The following NELL2 variants were observed in gnomAD, a reference collection of about 807,000 sequenced individuals.
NELL2 encodes neural EGFL like 2.
In NELL2, 41 loss-of-function variants were observed where a neutral mutation model predicts 109.6. The observed-to-expected ratio is 0.37, with a 90% confidence interval of 0.29 to 0.49. NELL2 has a LOEUF of 0.49. NELL2 is among the 20% of genes least tolerant of loss of function. The pLI is 0.98. For missense variants in NELL2, 900 were observed against 1,008.3 expected (o/e 0.89, Z 1.45); for synonymous variants, 355 against 344.7 (o/e 1.03, Z -0.33).
chr12:44,667,640 G>C (rs551246227), intron 12 of NELL2, among the ~76,000 whole-genome samples: 1 of 152,252 alleles, frequency 6.6e-6, no homozygotes, highest in African/African-American at 2.4e-5. Flanking sequence ...CGACAGACAA[G>C]GATCATAACA....
chr12:44,699,038 A>G (rs549944086), intron 12 of NELL2, among the ~76,000 whole-genome samples: 4 of 152,316 alleles, frequency 2.6e-5, no homozygotes, highest in Non-Finnish European at 5.9e-5. Flanking sequence ...GTGAGGATAG[A>G]AGATATAGTC....
At chr12:44,758,606 T>G (rs1159421905) in intron 9 of NELL2, among the ~76,000 whole-genome samples, 1 of 152,224 alleles carries the variant, frequency 6.6e-6, no homozygotes, top group Admixed American at 6.5e-5. Context: ...GGGCATCTAC[T>G]ATGCATTAGA....
intron 2 of NELL2, among the ~76,000 whole-genome samples, chr12:44,868,856 C>T (rs2710421): frequency 0.069 from 10,430 of 151,928 alleles, 608 homozygotes; most frequent in East Asian, 0.23. Context: ...TTGTACTCTT[C>T]AAAATTTCAA....
chr12:44,915,389 T>C (rs975461372), upstream of NELL2, among the ~76,000 whole-genome samples: 3 of 152,262 alleles, frequency 2.0e-5, no homozygotes, highest in African/African-American at 7.2e-5. Context: ...CTTTATTTCA[T>C]GTTCAAGGTT....
At chr12:44,664,808 T>A (rs1947868796) in intron 13 of NELL2, among the ~76,000 whole-genome samples, 1 of 151,822 alleles carries the variant, frequency 6.6e-6, no homozygotes, top group Admixed American at 6.6e-5. Flanking sequence ...CCTACAGTAT[T>A]CAAGCTACTC....
chr12:44,685,261 T>G (rs999917715), intron 12 of NELL2, among the ~76,000 whole-genome samples: 32 of 152,180 alleles, frequency 2.1e-4, no homozygotes, highest in African/African-American at 7.5e-4. Context: ...GTTTTCCATT[T>G]GCTTGGTAGA....
intron 13 of NELL2, among the ~76,000 whole-genome samples, chr12:44,665,096 T>TAAA (rs3214809): frequency 6.6e-6 from 1 of 151,966 alleles, no homozygotes; most frequent in East Asian, 1.9e-4. Context: ...CCTAGAACTC[T>TAAA]AAATCTATCT....
At chr12:44,648,733 T>TATATATATA (rs1566084908) in intron 13 of NELL2, among the ~76,000 whole-genome samples, 13 of 22,378 alleles carry the variant, frequency 5.8e-4, no homozygotes, top group African/African-American at 1.6e-3. Context: ...ATATATATAT[T>TATATATATA]TTTTTTTTTT....
upstream of NELL2, among the ~76,000 whole-genome samples, chr12:44,877,844 G>A (rs1457480586): frequency 1.3e-5 from 2 of 152,192 alleles, no homozygotes; most frequent in East Asian, 1.9e-4. Context: ...AGTGATAAAG[G>A]ATTGTCATAT....
intron 12 of NELL2, among the ~76,000 whole-genome samples, chr12:44,682,259 G>A (rs1948538906): frequency 6.6e-6 from 1 of 150,716 alleles, no homozygotes. Context: ...ACTTTTTGAT[G>A]GGGTTTTTTG....
rs34778111 is a variant in NELL2 at position 44,787,759 on chromosome 12, G to GA, written c.336-7738dup. Reference sequence around the variant, plus strand: ...GCAACTGAACATCCAAATGTTAAGGGAAAAAAAAAAATTTTAACTTCAGTC... The same window carrying GA: ...GCAACTGAACATCCAAATGTTAAGGGAAAAAAAAAAAATTTTAACTTCAGTC... On this transcript the variant is annotated intron_variant, in intron 3 of 19. Transcript: ENST00000429094. Among the ~76,000 whole-genome samples, 111 of 149,888 alleles carry GA rather than the reference G, an allele frequency of 7.4e-4. No individual in the cohort carries two copies. In the South Asian group the frequency reaches 8.4e-3, roughly 11 times the overall value.
chr12:44,515,789 T>C (rs1941233713), intron 19 of NELL2, among the ~76,000 whole-genome samples: 1 of 151,946 alleles, frequency 6.6e-6, no homozygotes, highest in Admixed American at 6.5e-5. Flanking sequence ...GCTATATTTA[T>C]TGTTAAAGAA....
At chr12:44,624,542 T>C (rs1206083998) in intron 13 of NELL2, among the ~76,000 whole-genome samples, 1 of 151,990 alleles carries the variant, frequency 6.6e-6, no homozygotes, top group East Asian at 1.9e-4. Context: ...AACTGGCAAA[T>C]AGGTGTTATT....
In NELL2 at chr12:44,688,523, C is replaced by T. The variant is rs532642734; in HGVS notation, c.1318+15203G>A. On this transcript the variant is annotated intron_variant, in intron 12 of 19. Coordinates refer to ENST00000429094, the MANE Select transcript of NELL2 (RefSeq NM_001145108.2). ...TAACAACCTCATAAGAAAAATGTCC[C>T]CCATTTTAATAGACGAGGAGGCTGA... Among the ~76,000 whole-genome samples the T allele has an allele frequency of 9.9e-5, 15 of 152,204 alleles. No individual in the cohort carries two copies. In the South Asian group the frequency reaches 3.1e-3, roughly 32 times the overall value.
chr12:44,615,553 C>T (rs1945788056), intron 13 of NELL2, among the ~76,000 whole-genome samples: 1 of 152,124 alleles, frequency 6.6e-6, no homozygotes, highest in Non-Finnish European at 1.5e-5. Context: ...CTCCAAAATT[C>T]AGGCTATTGA....
intron 1 of NELL2, among the ~76,000 whole-genome samples, chr12:44,892,524 G>A (rs1044192183): frequency 1.3e-5 from 2 of 152,090 alleles, no homozygotes; most frequent in Admixed American, 6.5e-5. Flanking sequence ...AGGGCTGGGC[G>A]CAGTGGCTCA....
At chr12:44,824,475 A>G (rs1943642085) in intron 2 of NELL2, among the ~76,000 whole-genome samples, 1 of 152,074 alleles carries the variant, frequency 6.6e-6, no homozygotes, top group African/African-American at 2.4e-5. Flanking sequence ...GTGGATATCC[A>G]GTTTTCCCAA....
chr12:44,524,874 T>C (rs546340533), intron 16 of NELL2, among the ~76,000 whole-genome samples: 4 of 152,278 alleles, frequency 2.6e-5, no homozygotes, highest in African/African-American at 7.2e-5. Context: ...AGTACTATGG[T>C]TAATGTGTAT....
intron 1 of NELL2, among the ~76,000 whole-genome samples, chr12:44,911,964 TATA>T (rs1945784673): frequency 6.6e-6 from 1 of 150,712 alleles, no homozygotes; most frequent in African/African-American, 2.4e-5. Context: ...AAACTTAAAG[TATA>T]ATAATAATAA....
Sources: allele counts gnomAD v4.1 joint callset (sites outside exome capture counted in the v4.1 genomes callset), GRCh38; gene constraint gnomAD v4.1.1; transcripts MANE v1.5; gene names NCBI Gene and HGNC (gene_info 2026-07-23, HGNC 2026-07-21).